The following SEMA3A variants were observed in gnomAD, a reference collection of about 807,000 sequenced individuals.
SEMA3A encodes the protein semaphorin 3A.
A neutral mutation model predicts 97.9 loss-of-function variants in SEMA3A; 29 were observed. The observed-to-expected ratio is 0.30, with a 90% CI of 0.22 to 0.40. SEMA3A has a LOEUF of 0.40. SEMA3A is among the 10% of genes least tolerant of loss of function. The pLI is 1.00. For synonymous variants in SEMA3A, 321 were observed against 323.7 expected (o/e 0.99, Z 0.09); for missense variants, 763 against 951.3 (o/e 0.80, Z 2.60).
intron 1 of SEMA3A, among the ~76,000 whole-genome samples, chr7:84,479,270 A>T (rs913251803): frequency 2.0e-5 from 3 of 152,190 alleles, no homozygotes; most frequent in Non-Finnish European, 2.9e-5. Context: ...GTTAAGTGCT[A>T]TATTTACATA....
chr7:84,329,137 CG>C (rs1193021024), intron 2 of SEMA3A, among the ~76,000 whole-genome samples: 1 of 151,608 alleles, frequency 6.6e-6, no homozygotes, highest in Non-Finnish European at 1.5e-5. Context: ...ATCAAGCAAA[CG>C]GGGATGTTGT....
intron 3 of SEMA3A, among the ~76,000 whole-genome samples, chr7:84,127,113 T>C (rs1006388527): frequency 6.6e-6 from 1 of 152,064 alleles, no homozygotes; most frequent in Non-Finnish European, 1.5e-5. Flanking sequence ...TCTCCTTACC[T>C]AACTCTAGTC....
At chr7:84,419,645 G>T (rs1804531859) in intron 1 of SEMA3A, among the ~76,000 whole-genome samples, 1 of 152,114 alleles carries the variant, frequency 6.6e-6, no homozygotes, top group Non-Finnish European at 1.5e-5. Flanking sequence ...ATGTACACTG[G>T]AGGATTTAGA....
At chr7:84,103,718 G>A (rs963936840) in intron 4 of SEMA3A, among the ~76,000 whole-genome samples, 4 of 151,854 alleles carry the variant, frequency 2.6e-5, no homozygotes, top group African/African-American at 9.7e-5. Flanking sequence ...TACACAAGGA[G>A]ACAAAGAGGT....
intron 3 of SEMA3A, among the ~76,000 whole-genome samples, chr7:84,126,757 T>C (rs1440402382): frequency 6.6e-6 from 1 of 152,176 alleles, no homozygotes; most frequent in Non-Finnish European, 1.5e-5. Flanking sequence ...ATTTTTCTAC[T>C]TTTCAAATAA....
intron 6 of SEMA3A, among the ~76,000 whole-genome samples, chr7:84,028,412 C>G (rs911726404): frequency 1.6e-4 from 25 of 152,162 alleles, no homozygotes; most frequent in South Asian, 2.1e-4. Flanking sequence ...GTTTCTTTTA[C>G]TAGTACTGTC....
chr7:84,135,242 C>T (rs1193635994), intron 1 of SEMA3A, among the ~76,000 whole-genome samples: 1 of 151,552 alleles, frequency 6.6e-6, no homozygotes, highest in African/African-American at 2.4e-5. Context: ...TCCCGAGTAG[C>T]TGGGATTACA....
intron 2 of SEMA3A, among the ~76,000 whole-genome samples, chr7:84,338,330 T>C (rs1802086693): frequency 6.6e-6 from 1 of 152,050 alleles, no homozygotes. Context: ...TTCCATATCA[T>C]TTTAACTATA....
At chr7:84,491,201 A>G (rs990027757) in intron 1 of SEMA3A, among the ~76,000 whole-genome samples, 3 of 152,152 alleles carry the variant, frequency 2.0e-5, no homozygotes, top group Non-Finnish European at 4.4e-5. Flanking sequence ...GAAAATAAAA[A>G]CAAAACATTG....
At chr7:84,163,583 G>A (rs1265007669) in intron 1 of SEMA3A, among the ~76,000 whole-genome samples, 25 of 151,998 alleles carry the variant, frequency 1.6e-4, no homozygotes, top group Admixed American at 1.6e-3. Flanking sequence ...ATATGACATT[G>A]GAAGAAAGCA....
At chr7:84,195,707 G>A (rs1046803640), upstream of SEMA3A, among the ~76,000 whole-genome samples, 44 of 152,242 alleles carry the variant, frequency 2.9e-4, no homozygotes, top group Middle Eastern at 3.4e-3. Context: ...TGGTTTTCCA[G>A]CTTCTGGAAT....
rs184107997 is a variant in SEMA3A, at chr7:84,397,747, C to A, written c.-245-25847G>T. ...AGGTAACTTTGAACACTTAATGTGG[C>A]ACCATGAAGAGGAGTCAGACAAAAC... is the stretch of plus-strand genomic sequence containing the variant. On this transcript the variant is annotated intron_variant, in intron 1 of 3. Transcript: ENST00000424555. 4.5e-3 allele frequency among the ~76,000 whole-genome samples: 679 copies of A among 152,012 alleles called. 3 individuals carry two copies. The highest frequency in any genetic ancestry group is 7.0e-3 in the Non-Finnish European group (475 of 67,964).
intron 2 of SEMA3A, among the ~76,000 whole-genome samples, chr7:84,359,967 G>C (rs1802670767): frequency 6.7e-6 from 1 of 149,926 alleles, no homozygotes; most frequent in African/African-American, 2.5e-5. Context: ...TTGTATTTCT[G>C]TGGGATCGGC....
chr7:84,201,893 A>T (rs1798367689), intron 3 of SEMA3A, among the ~76,000 whole-genome samples: 1 of 152,060 alleles, frequency 6.6e-6, no homozygotes, highest in Non-Finnish European at 1.5e-5. Flanking sequence ...AACTTTGGTG[A>T]CTTAAAGCAC....
At chr7:84,007,647 T>C (rs1196174817) in intron 9 of SEMA3A, 150 bp from the exon 10 acceptor site, 6 of 678,846 alleles carry the variant, frequency 8.8e-6, no homozygotes. Flanking sequence ...TCTAGTCACA[T>C]GTATGCATTT....
At chr7:84,268,076 T>A (rs1800048955) in intron 3 of SEMA3A, among the ~76,000 whole-genome samples, 1 of 152,070 alleles carries the variant, frequency 6.6e-6, no homozygotes, top group Non-Finnish European at 1.5e-5. Context: ...CTAAATACTA[T>A]TGAAGGGACT....
At chr7:83,999,986 T>C (rs776221206) in intron 12 of SEMA3A, among the ~76,000 whole-genome samples, 14 of 152,162 alleles carry the variant, frequency 9.2e-5, no homozygotes, top group Non-Finnish European at 1.9e-4. Flanking sequence ...CCTTAAATTC[T>C]TTAATTTCTT....
intron 16 of SEMA3A, among the ~76,000 whole-genome samples, chr7:83,962,684 A>G (rs1788518083): frequency 6.6e-6 from 1 of 152,182 alleles, no homozygotes; most frequent in Admixed American, 6.6e-5. Context: ...AATGGATCAA[A>G]TGAGCAGGGA....
chr7:84,437,295 T>C (rs1023126970), intron 1 of SEMA3A, among the ~76,000 whole-genome samples: 3 of 151,998 alleles, frequency 2.0e-5, no homozygotes, highest in African/African-American at 7.2e-5. Context: ...GAATTTGGTG[T>C]CATGTGAGCT....
Sources: gnomAD v4.1 joint callset for allele counts (sites outside exome capture counted in the v4.1 genomes callset) on GRCh38, gnomAD v4.1.1 for gene constraint, MANE v1.5 for transcripts, NCBI Gene and HGNC (gene_info 2026-07-23, HGNC 2026-07-21) for gene names.